The following ARMC8 variants were observed in gnomAD, a reference collection of about 807,000 sequenced individuals.
ARMC8 encodes armadillo repeat-containing protein 8.
A neutral mutation model predicts 99.3 loss-of-function variants in ARMC8; 20 were observed. That is an observed-to-expected ratio of 0.20 (90% CI 0.14 to 0.29). The LOEUF (loss-of-function observed/expected upper bound fraction) is 0.29. Among genes scored for constraint, ARMC8 ranks in the 10% least tolerant of loss-of-function variants. The pLI is 1.00. For synonymous variants in ARMC8, 263 were observed against 278.3 expected (o/e 0.95, Z 0.55); for missense variants, 569 against 809.5 (o/e 0.70, Z 3.60).
At chr3:138,277,716 A>G (rs894599577) in intron 18 of ARMC8, among the ~76,000 whole-genome samples, 2 of 152,222 alleles carry the variant, frequency 1.3e-5, no homozygotes, top group African/African-American at 2.4e-5. Context: ...TCATTTTGGA[A>G]ATGGTTTGAC....
intron 12 of ARMC8, chr3:138,245,516 T>C (rs2046841159): frequency 8.3e-7 from 1 of 1,200,812 alleles, no homozygotes; most frequent in African/African-American, 1.6e-5. Flanking sequence ...ACCTTGAAAG[T>C]CCTAACATTA....
At chr3:138,252,800 C>T (rs937043830) in intron 12 of ARMC8, among the ~76,000 whole-genome samples, 11 of 135,646 alleles carry the variant, frequency 8.1e-5, no homozygotes, top group African/African-American at 2.8e-4. Flanking sequence ...ACCAGTTTGG[C>T]GAAATACCAA....
intron 1 of ARMC8, among the ~76,000 whole-genome samples, chr3:138,201,650 G>A (rs768285507): frequency 3.3e-5 from 5 of 151,222 alleles, no homozygotes; most frequent in East Asian, 2.0e-4. Context: ...TAGTAGAGAC[G>A]GTGTTTCACC....
chr3:138,203,158 A>G (rs1482240666), intron 1 of ARMC8, among the ~76,000 whole-genome samples: 2 of 152,202 alleles, frequency 1.3e-5, no homozygotes, highest in African/African-American at 2.4e-5. Context: ...ACTCAGCTTA[A>G]TTTGTCTCCA....
At chr3:138,203,480 G>A (rs2107999160) in intron 1 of ARMC8, among the ~76,000 whole-genome samples, 1 of 152,360 alleles carries the variant, frequency 6.6e-6, no homozygotes, top group African/African-American at 2.4e-5. Context: ...GCTCACTCAT[G>A]TGGTTGTTGG....
At chr3:138,207,921 C>A (rs1054477603) in intron 1 of ARMC8, among the ~76,000 whole-genome samples, 1 of 152,134 alleles carries the variant, frequency 6.6e-6, no homozygotes, top group Non-Finnish European at 1.5e-5. Flanking sequence ...CCACTTTTGC[C>A]TCTTTGCTTC....
At chr3:138,231,052 A>G (rs867823105) in intron 6 of ARMC8, among the ~76,000 whole-genome samples, 1 of 152,210 alleles carries the variant, frequency 6.6e-6, no homozygotes, top group Non-Finnish European at 1.5e-5. Context: ...TTTTAATTGG[A>G]TAAGTTAGCA....
At position 138,264,462 on chromosome 3, in the gene ARMC8, C is replaced by T. The variant is rs2048068702; in HGVS notation, c.1299+250C>T. 3.2e-5 allele frequency among the ~76,000 whole-genome samples: 4 copies of T among 125,138 alleles called. No individual in the cohort carries two copies. The South Asian group carries it at 8.1e-4, about 25-fold the overall frequency. 82.1% of individuals were successfully genotyped at this position (125,138 alleles called of 152,430 possible). Reference sequence around the variant, plus strand: ...TGAGATGTAGTCTAGCTCTGTCACCCAGGCTGGAGTGCAGTGGCATGATCT... The same window carrying T: ...TGAGATGTAGTCTAGCTCTGTCACCTAGGCTGGAGTGCAGTGGCATGATCT... On this transcript the variant is annotated intron_variant, in intron 14 of 21. Coordinates refer to ENST00000469044, the MANE Select transcript of ARMC8 (RefSeq NM_001363941.2).
chr3:138,199,533 C>G (rs1424026600), intron 1 of ARMC8, among the ~76,000 whole-genome samples: 1 of 152,088 alleles, frequency 6.6e-6, no homozygotes, highest in Non-Finnish European at 1.5e-5. Context: ...GAAAGAATTG[C>G]CTAACAATTA....
intron 5 of ARMC8, among the ~76,000 whole-genome samples, chr3:138,224,646 G>A (rs1237823205): frequency 6.6e-6 from 1 of 152,154 alleles, no homozygotes; most frequent in Non-Finnish European, 1.5e-5. Flanking sequence ...AGCTACTCGG[G>A]AGGCTGAGCC....
intron 1 of ARMC8, among the ~76,000 whole-genome samples, chr3:138,197,345 C>T (rs1022100833): frequency 2.0e-5 from 3 of 152,198 alleles, no homozygotes; most frequent in South Asian, 4.1e-4. Flanking sequence ...GAATCTGAAG[C>T]AAATAAAGCC....
chr3:138,222,255 G>A (rs368793554), intron 3 of ARMC8, among the ~76,000 whole-genome samples: 5 of 152,172 alleles, frequency 3.3e-5, no homozygotes, highest in African/African-American at 9.7e-5. Context: ...AAAAGGGTTC[G>A]TAAAGTACAT....
chr3:138,276,351 T>G (rs2049291322), intron 18 of ARMC8, among the ~76,000 whole-genome samples: 2 of 152,220 alleles, frequency 1.3e-5, no homozygotes, highest in African/African-American at 2.4e-5. Context: ...CCTATGAAAC[T>G]GTCACCACAG....
At chr3:138,228,292 A>G (rs2045801150) in intron 5 of ARMC8, among the ~76,000 whole-genome samples, 1 of 152,190 alleles carries the variant, frequency 6.6e-6, no homozygotes, top group African/African-American at 2.4e-5. Flanking sequence ...CATTCTAAAT[A>G]AAAGGAAATT....
In ARMC8 at chr3:138,241,775, C is replaced by T. The variant is rs1308501096; in HGVS notation, c.838-8C>T. The T allele has an allele frequency of 6.2e-7, 1 of 1,613,414 alleles. No individual in the cohort carries two copies. Among genetic ancestry groups the T allele is most frequent in the Admixed American group, 1.7e-5 (1 of 60,026 alleles). On this transcript the variant is annotated splice_polypyrimidine_tract_variant and splice_region_variant and intron_variant, in intron 10 of 21. Coordinates refer to ENST00000469044, the MANE Select transcript of ARMC8 (RefSeq NM_001363941.2). Reference sequence around the variant, plus strand: ...AAAAAGCAAATAATTAATCTCACTACCTTTCAGACATTACCTTGTTTGGTT... The same window carrying T: ...AAAAAGCAAATAATTAATCTCACTATCTTTCAGACATTACCTTGTTTGGTT...
intron 21 of ARMC8, 118 bp downstream of exon 21, chr3:138,290,757 T>G: frequency 1.4e-6 from 1 of 697,478 alleles, no homozygotes. Flanking sequence ...TTCTTAGATT[T>G]TCTTCATAAT....
rs917006137 is a variant in ARMC8 at position 138,245,594 on chromosome 3, T to G, written c.1134+411T>G. 5 of 1,013,596 alleles carry G rather than the reference T, an allele frequency of 4.9e-6. No homozygotes were observed. In the African/African-American group the frequency reaches 8.6e-5, roughly 17 times the overall value. 62.8% of individuals were successfully genotyped at this position (1,013,596 alleles called of 1,614,324 possible). On this transcript the variant is annotated intron_variant, in intron 12 of 21. Coordinates refer to ENST00000469044, the MANE Select transcript of ARMC8 (RefSeq NM_001363941.2). ...GAGAAATTCAAATCTCTATTGTATA[T>G]TGTTCTTTGATATGTGGCTTAGTTT... is the stretch of plus-strand genomic sequence containing the variant.
At chr3:138,194,828 C>T (rs1392230730) in intron 1 of ARMC8, among the ~76,000 whole-genome samples, 2 of 152,034 alleles carry the variant, frequency 1.3e-5, no homozygotes, top group East Asian at 1.9e-4. Context: ...GCTGTGAAGT[C>T]GAACCCACTA....
chr3:138,222,973 G>A (rs927749860), intron 3 of ARMC8, among the ~76,000 whole-genome samples: 12 of 152,134 alleles, frequency 7.9e-5, no homozygotes, highest in African/African-American at 2.9e-4. Context: ...CTATAGGCTC[G>A]ATATCTACAA....
Sources: allele counts gnomAD v4.1 joint callset (sites outside exome capture counted in the v4.1 genomes callset), GRCh38; gene constraint gnomAD v4.1.1; transcripts MANE v1.5; gene names NCBI Gene and HGNC (gene_info 2026-07-23, HGNC 2026-07-21).